The following BBS9 variants were observed in gnomAD, a reference collection of about 807,000 sequenced individuals.
BBS9 encodes the protein protein PTHB1.
A neutral mutation model predicts 117.7 loss-of-function variants in BBS9; 89 were observed. The observed-to-expected ratio is 0.76, with a 90% CI of 0.64 to 0.90. The LOEUF is 0.90. Among genes scored for constraint, BBS9 ranks in the 40% least tolerant of loss-of-function variants. The pLI, the probability that BBS9 is intolerant of heterozygous loss-of-function variation, is 0.00. For synonymous variants in BBS9, 379 were observed against 370.9 expected, an observed-to-expected ratio of 1.02 and a Z score of -0.25; for missense variants, 982 against 1,042.2, an observed-to-expected ratio of 0.94 and a Z score of 0.80.
chr7:33,595,816 A>G (rs1862658574), intron 21 of BBS9, among the ~76,000 whole-genome samples: 2 of 152,196 alleles, frequency 1.3e-5, no homozygotes, highest in Admixed American at 1.3e-4. Context: ...TGTGGTATGT[A>G]TACACCATGG....
At position 33,505,740 on chromosome 7, in the gene BBS9, C is replaced by A. The variant is rs1259175902; in HGVS notation, c.2298+95C>A. Reference sequence around the variant, plus strand: ...ATGGCTATCAGGTTTTCTAAGGTATCAAATAAGGGTTTGATTTTTTACAAA... The same window carrying A: ...ATGGCTATCAGGTTTTCTAAGGTATAAAATAAGGGTTTGATTTTTTACAAA... On this transcript the variant is annotated intron_variant, in intron 20 of 22. Transcript: ENST00000242067. The A allele has an allele frequency of 2.3e-6, 3 of 1,319,630 alleles. No individual in the cohort carries two copies. In the African/African-American group the frequency reaches 4.4e-5, roughly 19 times the overall value. The allele number at this position is 1,319,630 out of a possible 1,614,324, so 81.7% of individuals were successfully genotyped here.
chr7:33,383,606 T>C lies in BBS9; in HGVS notation c.1790-60T>C, dbSNP rs1026541466. 2.3e-4 allele frequency: 323 copies of C among 1,433,116 alleles called. 3 individuals are homozygous for C. Among genetic ancestry groups the C allele is most frequent in the South Asian group, 1.6e-3 (132 of 82,604 alleles). The allele number at this position is 1,433,116 out of a possible 1,614,324, so 88.8% of individuals were successfully genotyped here. On this transcript the variant is annotated intron_variant, in intron 17 of 22. Coordinates refer to ENST00000242067, the MANE Select transcript of BBS9 (RefSeq NM_198428.3). ...TAAAGTCAGGATTAGTGATAGTTCA[T>C]GTAGCTTTATCTAGTAATTCTGTGT...
intron 17 of BBS9, among the ~76,000 whole-genome samples, chr7:33,381,326 C>G (rs1383231705): frequency 6.6e-6 from 1 of 152,192 alleles, no homozygotes; most frequent in Non-Finnish European, 1.5e-5. Context: ...AAGCAGTATT[C>G]AGTCTTCTGC....
At chr7:33,569,490 C>A (rs1318230029) in intron 21 of BBS9, among the ~76,000 whole-genome samples, 1 of 151,374 alleles carries the variant, frequency 6.6e-6, no homozygotes, top group Non-Finnish European at 1.5e-5. Flanking sequence ...GCGCAGTGGC[C>A]CACGCCTGTA....
rs1793534057 is a variant in BBS9, at chr7:33,152,728, G to A, written c.140G>A (p.Gly47Glu). Residue 47 changes from glycine (G) to glutamate (E), a missense_variant, in exon 3 of 23, where the codon GGA becomes GAA. Transcript: ENST00000242067. ...AAAATAATTGTGGGTAGCTTTATGG[G>A]ATACCTAAGGATCTTTAGCCCCCAT... ...QDKIIVGSFM[G>E]YLRIFSPHPA... The A allele has an allele frequency of 1.9e-6, 3 of 1,612,834 alleles. No individual in the cohort carries two copies. Among genetic ancestry groups the A allele is most frequent in the Non-Finnish European group, 2.5e-6 (3 of 1,179,644 alleles).
chr7:33,387,195 A>G lies in BBS9; in HGVS notation c.1963-797A>G, dbSNP rs189423966. On this transcript the variant is annotated intron_variant, in intron 18 of 22. Transcript: ENST00000242067. ...AAACAATTTTGTAATGGGTATCCTGATATATACATTACTTTTGGCAAGCAT... is the reference window on the plus strand; with the variant it reads ...AAACAATTTTGTAATGGGTATCCTGGTATATACATTACTTTTGGCAAGCAT... Among the ~76,000 whole-genome samples the G allele has an allele frequency of 2.5e-3, 376 of 152,260 alleles. 1 individual carries two copies. The highest frequency in any genetic ancestry group is 8.5e-3 in the African/African-American group (353 of 41,558).
intron 19 of BBS9, among the ~76,000 whole-genome samples, chr7:33,392,916 G>C (rs946373203): frequency 6.6e-6 from 1 of 152,080 alleles, no homozygotes; most frequent in Non-Finnish European, 1.5e-5. Flanking sequence ...CTGTAATCCT[G>C]GCACTTTGGG....
chr7:33,286,935 A>G (rs1254384082), intron 9 of BBS9, among the ~76,000 whole-genome samples: 1 of 152,148 alleles, frequency 6.6e-6, no homozygotes, highest in East Asian at 1.9e-4. Flanking sequence ...TAAAAGGGAA[A>G]TGGGAAAAAG....
At chr7:33,151,554 A>ATT (rs35683893) in intron 2 of BBS9, among the ~76,000 whole-genome samples, 12 of 149,694 alleles carry the variant, frequency 8.0e-5, no homozygotes, top group South Asian at 2.1e-4. Context: ...TATTATGAGG[A>ATT]TTTTTTTTTT....
intron 21 of BBS9, among the ~76,000 whole-genome samples, chr7:33,562,506 C>T (rs565997696): frequency 4.6e-5 from 7 of 152,302 alleles, no homozygotes; most frequent in African/African-American, 1.4e-4. Context: ...TAATTGGCTT[C>T]CGCTAGGTCA....
intron 20 of BBS9, among the ~76,000 whole-genome samples, chr7:33,530,598 T>A (rs1004775469): frequency 6.6e-6 from 1 of 152,238 alleles, no homozygotes; most frequent in Non-Finnish European, 1.5e-5. Context: ...TACTATTTTG[T>A]CTTCATTTAT....
intron 21 of BBS9, among the ~76,000 whole-genome samples, chr7:33,590,458 T>TGTTTTTTTGTTTTTG (rs1861682864): frequency 1.0e-5 from 1 of 98,168 alleles, no homozygotes; most frequent in East Asian, 3.9e-4. Flanking sequence ...TTTGTTTTTT[T>TGTTTTTTTGTTTTTG]GTTTTTTTTT....
chr7:33,344,030 A>C (rs1443747737), intron 11 of BBS9, among the ~76,000 whole-genome samples: 1 of 148,360 alleles, frequency 6.7e-6, no homozygotes, highest in Admixed American at 6.7e-5. Context: ...CTGGGAATGG[A>C]GTGGTTTGAT....
rs144096778 is a variant in BBS9, at chr7:33,492,062, G to A, written c.2116-13401G>A. Reference sequence around the variant, plus strand: ...TAAAAATACAAAAAAAATTAGCTGGGCGTGGTGGCGAATGCCTATAATCCC... The same window carrying A: ...TAAAAATACAAAAAAAATTAGCTGGACGTGGTGGCGAATGCCTATAATCCC... On this transcript the variant is annotated intron_variant, in intron 19 of 22. Coordinates refer to ENST00000242067, the MANE Select transcript of BBS9 (RefSeq NM_198428.3). 3.6e-3 allele frequency among the ~76,000 whole-genome samples: 548 copies of A among 151,796 alleles called. 4 individuals carry two copies. Among genetic ancestry groups the A allele is most frequent in the African/African-American group, 0.013 (524 of 41,372 alleles).
At chr7:33,330,306 C>T (rs919393404) in intron 9 of BBS9, among the ~76,000 whole-genome samples, 10 of 152,102 alleles carry the variant, frequency 6.6e-5, no homozygotes, top group African/African-American at 1.9e-4. Context: ...TAAGCCACCG[C>T]GCCTGGTCTA....
intron 20 of BBS9, among the ~76,000 whole-genome samples, chr7:33,524,263 T>G (rs1295892181): frequency 1.3e-5 from 2 of 151,968 alleles, no homozygotes; most frequent in Admixed American, 1.3e-4. Context: ...GCTGGCCTCA[T>G]AAAATGAGTT....
intron 16 of BBS9, among the ~76,000 whole-genome samples, chr7:33,364,041 C>T (rs1222016307): frequency 1.1e-5 from 1 of 90,948 alleles, no homozygotes; most frequent in Non-Finnish European, 2.3e-5. Context: ...CTCCGCCTCC[C>T]GGGTTCACGC....
At chr7:33,193,166 C>G (rs1325742455) in intron 5 of BBS9, among the ~76,000 whole-genome samples, 1 of 152,142 alleles carries the variant, frequency 6.6e-6, no homozygotes, top group Non-Finnish European at 1.5e-5. Context: ...CAAACTGCCC[C>G]TCAATTATAA....
intron 5 of BBS9, among the ~76,000 whole-genome samples, chr7:33,178,175 G>C (rs1797602640): frequency 6.6e-6 from 1 of 152,218 alleles, no homozygotes; most frequent in Non-Finnish European, 1.5e-5. Flanking sequence ...GCACAGGGCA[G>C]CTGGAAGAGT....
Sources: gnomAD v4.1 joint callset for allele counts (sites outside exome capture counted in the v4.1 genomes callset) on GRCh38, gnomAD v4.1.1 for gene constraint, MANE v1.5 for transcripts, NCBI Gene and HGNC (gene_info 2026-07-23, HGNC 2026-07-21) for gene names.